Variants in MMS22L observed in about 807,000 individuals in gnomAD.
MMS22L encodes protein MMS22-like.
Under a neutral mutation model 159.1 loss-of-function variants are expected in MMS22L, and 74 were observed. The observed-to-expected ratio is 0.47, with a 90% CI of 0.39 to 0.56. The LOEUF (loss-of-function observed/expected upper bound fraction) is 0.56, where lower values mean the gene tolerates loss of function less well. Among genes scored for constraint, MMS22L ranks in the 20% least tolerant of loss-of-function variants. The pLI, the probability that MMS22L is intolerant of heterozygous loss-of-function variation, is 0.00. For missense variants in MMS22L, 1,351 were observed against 1,422.1 expected (o/e 0.95, Z 0.80); for synonymous variants, 517 against 506.9 (o/e 1.02, Z -0.27).
At chr6:97,281,128 G>T in intron 3 of MMS22L, 109 bp downstream of exon 3, 2 of 1,074,356 alleles carry the variant, frequency 1.9e-6, no homozygotes, top group Non-Finnish European at 2.6e-6. Flanking sequence ...TGAGCAACCA[G>T]CACAATTCCT....
rs1277461345 is a variant in MMS22L at position 97,282,557 on chromosome 6, TTGG to T, written c.-76-7_-76-5del. 8.0e-5 allele frequency: 1 copy of T among 12,436 alleles called. No homozygotes were observed. Among genetic ancestry groups the T allele is most frequent in the East Asian group, 3.1e-3 (1 of 324 alleles). 0.8% of individuals were successfully genotyped at this position (12,436 alleles called of 1,614,324 possible). ...AAGAGAAGGTGTGAAGAGATTCCTGTTGGGGGGGGGGGGGTGGGGCCGAGAGAG... is the reference window on the plus strand; with the variant it reads ...AAGAGAAGGTGTGAAGAGATTCCTGTGGGGGGGGGGGTGGGGCCGAGAGAG... On this transcript the variant is annotated splice_polypyrimidine_tract_variant and splice_region_variant and intron_variant, in intron 1 of 24. Transcript: ENST00000683635.
intron 14 of MMS22L, among the ~76,000 whole-genome samples, chr6:97,223,530 T>C (rs1809880557): frequency 6.6e-6 from 1 of 152,154 alleles, no homozygotes; most frequent in Non-Finnish European, 1.5e-5. Context: ...GTATTAACAG[T>C]ATATGGCATA....
chr6:97,260,589 C>T (rs1266289244), intron 9 of MMS22L: 1 of 152,066 alleles, frequency 6.6e-6, no homozygotes, highest in Non-Finnish European at 1.5e-5. Context: ...TTCTATACTC[C>T]CAGATGTAGT....
chr6:97,186,677 G>T lies in MMS22L; in HGVS notation c.2053C>A (p.Gln685Lys). The T allele has an allele frequency of 6.4e-7, 1 of 1,554,778 alleles. No homozygotes were observed. Among genetic ancestry groups the T allele is most frequent in the Admixed American group, 2.0e-5 (1 of 50,154 alleles). Residue 685 changes from glutamine (Q) to lysine (K), a missense_variant, in exon 15 of 25, where the codon CAA becomes AAA. Coordinates refer to ENST00000683635, the MANE Select transcript of MMS22L (RefSeq NM_001350599.2). ...VLARIRSMHQ[Q>K]LCQELQRDNV... ...TCCCTTTGAAGTTCCTGACACAATT[G>T]TTGATGCATACTCCTAAAAAGAAAT...
intron 15 of MMS22L, among the ~76,000 whole-genome samples, chr6:97,182,928 T>C (rs1804864433): frequency 6.6e-6 from 1 of 152,176 alleles, no homozygotes; most frequent in Non-Finnish European, 1.5e-5. Flanking sequence ...CTCACTATCA[T>C]GCTCTCCAAC....
chr6:97,219,324 T>C (rs1044158181), intron 14 of MMS22L, among the ~76,000 whole-genome samples: 5 of 152,248 alleles, frequency 3.3e-5, no homozygotes, highest in South Asian at 2.1e-4. Context: ...CCAACATGTA[T>C]TGAATGTACT....
At chr6:97,186,825 T>TTATGCA in intron 14 of MMS22L, 135 bp from the exon 15 acceptor site, 1 of 559,834 alleles carries the variant, frequency 1.8e-6, no homozygotes, top group Non-Finnish European at 2.8e-6. Flanking sequence ...TGCCAAGACA[T>TTATGCA]TATGCATTTC....
intron 14 of MMS22L, among the ~76,000 whole-genome samples, chr6:97,192,208 G>GAAT (rs200743442): frequency 0.16 from 23,629 of 149,736 alleles, 2,160 homozygotes; most frequent in East Asian, 0.47. Flanking sequence ...ATGGATGGAT[G>GAAT]GATGAATGAA....
chr6:97,214,409 G>C (rs1162562860), intron 14 of MMS22L, among the ~76,000 whole-genome samples: 1 of 152,202 alleles, frequency 6.6e-6, no homozygotes, highest in Non-Finnish European at 1.5e-5. Context: ...GATATAGTAA[G>C]CGAAGAAGCC....
intron 22 of MMS22L, among the ~76,000 whole-genome samples, chr6:97,159,631 CA>C (rs1465004510): frequency 1.3e-5 from 2 of 151,898 alleles, no homozygotes; most frequent in Non-Finnish European, 2.9e-5. Flanking sequence ...TCCAAAATTC[CA>C]AATGCTTCCA....
chr6:97,229,169 A>G lies in MMS22L; in HGVS notation c.1764T>C (p.Ile588=). 1 of 1,614,134 alleles carries G rather than the reference A, an allele frequency of 6.2e-7. No homozygotes were observed. The highest frequency in any genetic ancestry group is 1.1e-5 in the South Asian group (1 of 91,076). The change falls in exon 14 of 25, where the codon ATT becomes ATC. Residue 588 remains isoleucine (I), a synonymous_variant. Coordinates refer to ENST00000683635, the MANE Select transcript of MMS22L (RefSeq NM_001350599.2). ...LLMYAQKNLD[I]GVLAEKFSCA... is the part of the protein sequence containing the mutation. ...ATGAAAATTTCTCAGCCAAAACACCAATGTCCAGATTTTTCTGGGCATACA... is the reference window on the plus strand; with the variant it reads ...ATGAAAATTTCTCAGCCAAAACACCGATGTCCAGATTTTTCTGGGCATACA...
chr6:97,279,092 T>G (rs919725426), intron 3 of MMS22L, among the ~76,000 whole-genome samples, 194 bp from the exon 4 acceptor site: 9 of 152,190 alleles, frequency 5.9e-5, no homozygotes, highest in Non-Finnish European at 1.2e-4. Context: ...AAATACATCT[T>G]TGCCTGACCT....
chr6:97,258,355 A>G (rs1814059027), intron 9 of MMS22L, among the ~76,000 whole-genome samples: 1 of 152,072 alleles, frequency 6.6e-6, no homozygotes, highest in Non-Finnish European at 1.5e-5. Context: ...TCCATGCTTC[A>G]TCCTGTAATC....
At chr6:97,198,923 T>C (rs1424360424) in intron 14 of MMS22L, among the ~76,000 whole-genome samples, 1 of 152,138 alleles carries the variant, frequency 6.6e-6, no homozygotes, top group East Asian at 1.9e-4. Context: ...CAGTTCTTGC[T>C]GCTTTCAAAA....
At chr6:97,268,378 C>A (rs754973511) in intron 7 of MMS22L, among the ~76,000 whole-genome samples, 23 of 151,860 alleles carry the variant, frequency 1.5e-4, no homozygotes, top group Admixed American at 4.6e-4. Context: ...TTAGTAGAGA[C>A]GGGGTTTCAC....
intron 20 of MMS22L, among the ~76,000 whole-genome samples, chr6:97,166,037 G>A (rs1802929346): frequency 6.6e-6 from 1 of 152,062 alleles, no homozygotes; most frequent in South Asian, 2.1e-4. Flanking sequence ...GAACCACTGA[G>A]TTAGTAATAT....
intron 11 of MMS22L, among the ~76,000 whole-genome samples, chr6:97,236,528 C>G (rs1170175563): frequency 6.6e-6 from 1 of 151,972 alleles, no homozygotes. Context: ...GAAAGAATGG[C>G]TTTTTCATGG....
intron 14 of MMS22L, among the ~76,000 whole-genome samples, chr6:97,221,764 G>A (rs1213747700): frequency 6.6e-6 from 1 of 151,724 alleles, no homozygotes; most frequent in Non-Finnish European, 1.5e-5. Flanking sequence ...TTACCATGAG[G>A]GCATACACAT....
chr6:97,212,483 C>T (rs1327117266), intron 14 of MMS22L, among the ~76,000 whole-genome samples: 1 of 152,186 alleles, frequency 6.6e-6, no homozygotes, highest in African/African-American at 2.4e-5. Flanking sequence ...AAACCATTCT[C>T]TCACTTTACT....
Sources: allele counts gnomAD v4.1 joint callset (sites outside exome capture counted in the v4.1 genomes callset), GRCh38; gene constraint gnomAD v4.1.1; transcripts MANE v1.5; gene names NCBI Gene and HGNC (gene_info 2026-07-23, HGNC 2026-07-21).